ANAPC1: variants seen among roughly 807,000 people sequenced by gnomAD.
ANAPC1 encodes the protein anaphase promoting complex subunit 1, also known as anaphase-promoting complex subunit 1.
ANAPC1 carries 36 observed loss-of-function variants against 208.0 expected under a neutral mutation model. The observed-to-expected ratio is 0.17, with a 90% CI of 0.13 to 0.23. ANAPC1 has a LOEUF of 0.23. ANAPC1 is among the 10% of genes least tolerant of loss of function. The pLI, the probability that ANAPC1 is intolerant of heterozygous loss-of-function variation, is 1.00. For missense variants in ANAPC1, 942 were observed against 2,011.6 expected (o/e 0.47, Z 10.17); for synonymous variants, 378 against 695.2 (o/e 0.54, Z 7.18).
chr2:111,826,890 A>C (rs1679867102), intron 21 of ANAPC1, among the ~76,000 whole-genome samples: 1 of 152,100 alleles, frequency 6.6e-6, no homozygotes, highest in Admixed American at 6.6e-5. Context: ...CGATCTCCTG[A>C]CCTCGTGATC....
rs1161426847 is a variant in ANAPC1, at chr2:111,835,960, G to A, written c.2116-1088C>T. On this transcript the variant is annotated intron_variant, in intron 18 of 47. Transcript: ENST00000341068. The stretch of plus-strand genomic sequence containing the variant: ...AGGGAAAATATGGTCAAGAACTCAT[G>A]TCTAGAACATGTAAGAACTTCAACA... 2.8e-5 allele frequency among the ~76,000 whole-genome samples: 4 copies of A among 143,698 alleles called. No individual in the cohort carries two copies. In the East Asian group the frequency reaches 7.7e-4, roughly 28 times the overall value. The allele number at this position is 143,698 out of a possible 152,430, so 94.3% of individuals were successfully genotyped here. A position where few individuals can be genotyped will look rare whatever the true frequency, so the allele number is the denominator to read the frequency against.
intron 39 of ANAPC1, among the ~76,000 whole-genome samples, chr2:111,787,135 C>T (rs1262717239): frequency 1.4e-5 from 2 of 138,384 alleles, no homozygotes; most frequent in African/African-American, 2.7e-5. Context: ...GGCGACAGAG[C>T]GAGACTCTAT....
Position 111,825,797 on chromosome 2 carries a change from T to A in ANAPC1, c.2684A>T (p.Tyr895Phe), listed in dbSNP as rs540685853. ...CTTACCTATAGTTATTCTGGTTAAA[T>A]ACTGTGAGGATTCATCAGAAACCAA... ...ESLVSDESSQ[Y>F]LTRITIAPQK... The change falls in exon 22 of 48, where the codon TAT (tyrosine) becomes TTT (phenylalanine). Residue 895 changes from tyrosine (Y) to phenylalanine (F), a missense_variant. Coordinates refer to ENST00000341068, the MANE Select transcript of ANAPC1 (RefSeq NM_022662.4). 4 of 1,613,682 alleles carry A rather than the reference T, an allele frequency of 2.5e-6. No homozygotes were observed. Among genetic ancestry groups the A allele is most frequent in the East Asian group, 2.2e-5 (1 of 44,870 alleles).
chr2:111,860,006 A>C (rs1017902009), intron 10 of ANAPC1, among the ~76,000 whole-genome samples: 4 of 152,160 alleles, frequency 2.6e-5, no homozygotes, highest in African/African-American at 4.8e-5. Context: ...TTAGGTTAGA[A>C]AATACTGGGG....
intron 13 of ANAPC1, 84 bp downstream of exon 13, chr2:111,856,530 A>C: frequency 2.3e-6 from 3 of 1,324,400 alleles, no homozygotes; most frequent in Non-Finnish European, 3.2e-6. Context: ...CAAATTTAAA[A>C]TATCAATCTA....
intron 1 of ANAPC1, among the ~76,000 whole-genome samples, chr2:111,883,165 CAA>C (rs141124163): frequency 0.25 from 26,850 of 108,374 alleles, 2,441 homozygotes; most frequent in South Asian, 0.36. Context: ...GACTCCTTCT[CAA>C]AAAAAAAAAA....
intron 42 of ANAPC1, among the ~76,000 whole-genome samples, 166 bp downstream of exon 42, chr2:111,783,731 G>A (rs560719991): frequency 7.9e-5 from 12 of 152,278 alleles, no homozygotes; most frequent in Non-Finnish European, 1.5e-4. Flanking sequence ...CACAAGTCCT[G>A]TTTCAAAGAT....
At position 111,838,519 on chromosome 2, in the gene ANAPC1, A is replaced by G; in HGVS notation, c.2041-7T>C. On this transcript the variant is annotated splice_polypyrimidine_tract_variant and splice_region_variant and intron_variant, in intron 17 of 47. Coordinates refer to ENST00000341068, the MANE Select transcript of ANAPC1 (RefSeq NM_022662.4). ...GTGATCCTTCAAAGTCAAACTGAAA[A>G]GTAACCCCAAAAGAAAAGATAAAAA... 6.3e-7 allele frequency: 1 copy of G among 1,596,788 alleles called. No individual in the cohort carries two copies. Among genetic ancestry groups the G allele is most frequent in the Non-Finnish European group, 8.5e-7 (1 of 1,174,370 alleles).
chr2:111,842,807 A>G (rs1202200079), intron 17 of ANAPC1, among the ~76,000 whole-genome samples: 1 of 152,082 alleles, frequency 6.6e-6, no homozygotes, highest in Non-Finnish European at 1.5e-5. Context: ...GAAGGAGATC[A>G]CCAATACTGA....
At position 111,792,497 on chromosome 2, in the gene ANAPC1, A is replaced by C. The variant is rs1677929046; in HGVS notation, c.4577T>G (p.Val1526Gly). 1 of 1,613,824 alleles carries C rather than the reference A, an allele frequency of 6.2e-7. No homozygotes were observed. The highest frequency in any genetic ancestry group is 1.3e-5 in the African/African-American group (1 of 74,898). ...CTTTAGGTTTCCTGAGCCAGCCATG[A>C]CCATGGCGAGAGACAGCAGCACCAC... Reference protein sequence around the residue: ...LSVVLLSLAMVMAGSGNLKVL... With the variant: ...LSVVLLSLAMGMAGSGNLKVL... The change falls in exon 38 of 48, where the codon GTC becomes GGC. Residue 1526 changes from valine (V) to glycine (G), a missense_variant. By Grantham distance (109) the Val-to-Gly change is moderately radical (BLOSUM62 -3). Coordinates refer to ENST00000341068, the MANE Select transcript of ANAPC1 (RefSeq NM_022662.4).
chr2:111,839,570 G>A (rs1680647690), intron 17 of ANAPC1, among the ~76,000 whole-genome samples: 1 of 152,136 alleles, frequency 6.6e-6, no homozygotes. Context: ...CTAAACATAG[G>A]TAGCAATAAA....
chr2:111,775,624 A>G (rs1676964646), intron 46 of ANAPC1, among the ~76,000 whole-genome samples: 3 of 152,230 alleles, frequency 2.0e-5, no homozygotes, highest in Admixed American at 2.0e-4. Context: ...GGAAACCACC[A>G]AATGCGCTAA....
chr2:111,770,591 A>G (rs1676684750), intron 47 of ANAPC1, among the ~76,000 whole-genome samples: 1 of 147,306 alleles, frequency 6.8e-6, no homozygotes, highest in South Asian at 2.1e-4. Context: ...CGGTTTCCAC[A>G]TGTCTCTTGT....
chr2:111,801,369 A>G (rs1257221678), intron 33 of ANAPC1, among the ~76,000 whole-genome samples: 2 of 147,148 alleles, frequency 1.4e-5, no homozygotes, highest in East Asian at 2.0e-4. Flanking sequence ...AAAAAAAAAA[A>G]AAAGAAAAAG....
At chr2:111,863,980 G>A (rs1333522635) in intron 8 of ANAPC1, 85 bp from the exon 9 acceptor site, 21 of 1,437,722 alleles carry the variant, frequency 1.5e-5, no homozygotes, top group Non-Finnish European at 1.7e-5. Flanking sequence ...AATGCAAGTT[G>A]AAGTCAGTTA....
At chr2:111,849,929 C>T (rs1681297955) in intron 14 of ANAPC1, among the ~76,000 whole-genome samples, 1 of 151,692 alleles carries the variant, frequency 6.6e-6, no homozygotes, top group African/African-American at 2.4e-5. Flanking sequence ...ATCCTTTCTG[C>T]CTTTAAGAGC....
chr2:111,774,978 T>G (rs149436935), intron 46 of ANAPC1, among the ~76,000 whole-genome samples: 1,684 of 152,090 alleles, frequency 0.011, 36 homozygotes, highest in African/African-American at 0.039. Context: ...GTACAAAACA[T>G]TTATATAGGC....
At chr2:111,836,324 A>G (rs1330387197) in intron 18 of ANAPC1, among the ~76,000 whole-genome samples, 1 of 151,856 alleles carries the variant, frequency 6.6e-6, no homozygotes, top group Non-Finnish European at 1.5e-5. Context: ...AAAATTACAG[A>G]TGTGAATTTT....
chr2:111,857,853 G>A (rs1319892108), intron 11 of ANAPC1, among the ~76,000 whole-genome samples: 1 of 152,118 alleles, frequency 6.6e-6, no homozygotes, highest in Non-Finnish European at 1.5e-5. Flanking sequence ...CTATACAATG[G>A]ACTATTACAT....
Sources: allele counts gnomAD v4.1 joint callset (sites outside exome capture counted in the v4.1 genomes callset), GRCh38; gene constraint gnomAD v4.1.1; transcripts MANE v1.5; gene names NCBI Gene and HGNC (gene_info 2026-07-23, HGNC 2026-07-21).